Variants in RALYL observed in about 807,000 individuals in gnomAD.
RALYL encodes RALY RNA binding protein like, also known as RNA-binding Raly-like protein.
In RALYL, 29 loss-of-function variants were observed where a neutral mutation model predicts 35.1. The observed-to-expected ratio is 0.83, with a 90% CI of 0.61 to 1.13. RALYL has a LOEUF of 1.13. Ranked by LOEUF, RALYL falls within the 50% of genes most tolerant of loss-of-function variation. RALYL has a pLI of 0.00. For missense variants in RALYL, 359 were observed against 360.4 expected (o/e 1.00, Z 0.03); for synonymous variants, 120 against 127.6 (o/e 0.94, Z 0.40).
chr8:84,366,293 CT>C (rs1272129132), intron 1 of RALYL, among the ~76,000 whole-genome samples: 1 of 152,112 alleles, frequency 6.6e-6, no homozygotes, highest in Non-Finnish European at 1.5e-5. Context: ...ATTATTCAAC[CT>C]TTCTAGATAT....
intron 1 of RALYL, among the ~76,000 whole-genome samples, chr8:84,246,391 A>G (rs912433841): frequency 2.6e-5 from 4 of 152,206 alleles, no homozygotes; most frequent in Non-Finnish European, 4.4e-5. Flanking sequence ...ACAAATCATA[A>G]TAATTTGCAA....
chr8:84,838,489 C>T (rs901878713), intron 4 of RALYL, among the ~76,000 whole-genome samples: 2 of 152,176 alleles, frequency 1.3e-5, no homozygotes, highest in African/African-American at 2.4e-5. Context: ...ACTGCCATGA[C>T]ATTTCTGCTA....
chr8:84,707,976 T>C (rs1196740273), intron 2 of RALYL, among the ~76,000 whole-genome samples: 1 of 152,092 alleles, frequency 6.6e-6, no homozygotes, highest in African/African-American at 2.4e-5. Context: ...CTAGAGGCAA[T>C]TGTAATCCAA....
intron 2 of RALYL, among the ~76,000 whole-genome samples, chr8:84,704,412 G>A (rs1261169674): frequency 2.0e-5 from 3 of 151,330 alleles, no homozygotes; most frequent in African/African-American, 4.8e-5. Flanking sequence ...GTAACAGAGC[G>A]AGACTCTATA....
intron 1 of RALYL, among the ~76,000 whole-genome samples, chr8:84,279,197 G>A (rs536267327): frequency 1.3e-5 from 2 of 152,238 alleles, no homozygotes; most frequent in East Asian, 3.9e-4. Context: ...CACAAGAACA[G>A]TATGGGGGAA....
chr8:84,813,315 G>T (rs1458934244), intron 4 of RALYL, among the ~76,000 whole-genome samples: 1 of 152,140 alleles, frequency 6.6e-6, no homozygotes, highest in African/African-American at 2.4e-5. Flanking sequence ...GAGGGTCTGT[G>T]GGTCCTCTTG....
At chr8:84,388,355 C>T (rs887675782) in intron 1 of RALYL, among the ~76,000 whole-genome samples, 11 of 152,160 alleles carry the variant, frequency 7.2e-5, no homozygotes, top group Non-Finnish European at 1.2e-4. Context: ...TGGGTATATA[C>T]GCAGTAATGG....
Position 84,844,538 on chromosome 8 carries a change from G to A in RALYL, c.366-5442G>A, listed in dbSNP as rs58900493. ...TGTCAGTGGGACTGTAAACTAGTTC[G>A]ACCATTGTGGAAGTCAGTGTGGCAA... is the stretch of plus-strand genomic sequence containing the variant. On this transcript the variant is annotated intron_variant, in intron 4 of 8. Transcript: ENST00000521268. Among the ~76,000 whole-genome samples, 853 of 152,280 alleles carry A rather than the reference G, an allele frequency of 5.6e-3. 5 individuals carry two copies. The highest frequency in any genetic ancestry group is 0.019 in the African/African-American group (781 of 41,562).
At chr8:84,635,415 T>C (rs1824851510) in intron 2 of RALYL, among the ~76,000 whole-genome samples, 1 of 151,678 alleles carries the variant, frequency 6.6e-6, no homozygotes, top group Admixed American at 6.6e-5. Flanking sequence ...GCTTTTTGCT[T>C]TCTGGATAAA....
intron 1 of RALYL, among the ~76,000 whole-genome samples, chr8:84,283,878 T>C (rs1159611938): frequency 6.6e-6 from 1 of 152,072 alleles, no homozygotes; most frequent in Non-Finnish European, 1.5e-5. Context: ...AAATGGCTGA[T>C]TCCCAGAAGT....
intron 2 of RALYL, among the ~76,000 whole-genome samples, chr8:84,641,406 A>G (rs998630976): frequency 1.3e-5 from 2 of 151,772 alleles, no homozygotes; most frequent in African/African-American, 2.4e-5. Flanking sequence ...AGATTAAGCC[A>G]TTCCACTATT....
intron 4 of RALYL, among the ~76,000 whole-genome samples, chr8:84,819,668 G>A (rs867354669): frequency 2.0e-5 from 3 of 152,108 alleles, no homozygotes; most frequent in Non-Finnish European, 4.4e-5. Context: ...GCCTGAAATG[G>A]CTTTTATTTC....
intron 1 of RALYL, among the ~76,000 whole-genome samples, chr8:84,437,628 T>C (rs2047885805): frequency 6.6e-6 from 1 of 152,122 alleles, no homozygotes; most frequent in South Asian, 2.1e-4. Flanking sequence ...TGGATATTTG[T>C]CCCTGCCCAA....
intron 2 of RALYL, among the ~76,000 whole-genome samples, chr8:84,653,828 T>C (rs1829353780): frequency 6.6e-6 from 1 of 151,888 alleles, no homozygotes; most frequent in African/African-American, 2.4e-5. Flanking sequence ...TGGAGAATAT[T>C]AAAGTAAAAA....
At chr8:84,782,578 T>C (rs1016152136) in intron 3 of RALYL, among the ~76,000 whole-genome samples, 1 of 152,250 alleles carries the variant, frequency 6.6e-6, no homozygotes, top group African/African-American at 2.4e-5. Context: ...TGCTTTCTTT[T>C]ATATATAAAA....
chr8:84,454,003 A>C (rs1416437859), intron 1 of RALYL, among the ~76,000 whole-genome samples: 1 of 152,104 alleles, frequency 6.6e-6, no homozygotes, highest in Non-Finnish European at 1.5e-5. Context: ...GTATAAAGTC[A>C]TGCTGAAGAT....
intron 1 of RALYL, among the ~76,000 whole-genome samples, chr8:84,471,755 A>G (rs2052784472): frequency 6.6e-6 from 1 of 152,226 alleles, no homozygotes; most frequent in Non-Finnish European, 1.5e-5. Flanking sequence ...AACATTGGGT[A>G]TGTCATGTTC....
At chr8:84,638,983 C>CACAG (rs1305930543) in intron 2 of RALYL, among the ~76,000 whole-genome samples, 1 of 139,778 alleles carries the variant, frequency 7.2e-6, no homozygotes, top group Non-Finnish European at 1.6e-5. Context: ...CACACACACA[C>CACAG]ACACACACAC....
intron 7 of RALYL, among the ~76,000 whole-genome samples, chr8:84,876,032 T>G (rs184427670): frequency 8.7e-4 from 132 of 152,212 alleles, no homozygotes; most frequent in African/African-American, 2.9e-3. Flanking sequence ...CATAGTATCT[T>G]TTTTTTGGAA....
Sources: allele counts gnomAD v4.1 joint callset (sites outside exome capture counted in the v4.1 genomes callset), GRCh38; gene constraint gnomAD v4.1.1; transcripts MANE v1.5; gene names NCBI Gene and HGNC (gene_info 2026-07-23, HGNC 2026-07-21).